The following TET2 variants were observed in gnomAD, a reference collection of about 807,000 sequenced individuals.
The protein encoded by TET2 is tet methylcytosine dioxygenase 2, also known as methylcytosine dioxygenase TET2.
TET2 carries 299 observed loss-of-function variants against 142.9 expected under a neutral mutation model. The observed-to-expected ratio is 2.09, with a 90% CI of 1.90 to 2.30. The LOEUF (loss-of-function observed/expected upper bound fraction) is 2.30, where lower values mean the gene tolerates loss of function less well. Among genes scored for constraint, TET2 ranks in the 30% most tolerant of loss-of-function variants. The pLI is 0.00. For synonymous variants in TET2, 819 were observed against 849.0 expected (o/e 0.96, Z 0.61); for missense variants, 2,418 against 2,378.0 (o/e 1.02, Z -0.35).
At chr4:105,150,318 G>A (rs1723236199) in intron 1 of TET2, among the ~76,000 whole-genome samples, 1 of 152,122 alleles carries the variant, frequency 6.6e-6, no homozygotes, top group Non-Finnish European at 1.5e-5. Context: ...TGCTTCTAAT[G>A]CAAGTTAAAT....
At chr4:105,188,900 A>C (rs1725619760) in intron 1 of TET2, among the ~76,000 whole-genome samples, 1 of 152,098 alleles carries the variant, frequency 6.6e-6, no homozygotes, top group Non-Finnish European at 1.5e-5. Context: ...TTTTGGGGCG[A>C]GGGGGACAGA....
At chr4:105,222,038 A>G (rs1043367168) in intron 2 of TET2, among the ~76,000 whole-genome samples, 5 of 150,702 alleles carry the variant, frequency 3.3e-5, no homozygotes, top group African/African-American at 1.2e-4. Flanking sequence ...TACAAAGGAC[A>G]TGAACTCATC....
At chr4:105,253,416 G>A (rs1729966892) in intron 6 of TET2, among the ~76,000 whole-genome samples, 1 of 151,862 alleles carries the variant, frequency 6.6e-6, no homozygotes, top group African/African-American at 2.4e-5. Context: ...ATTTCATTTG[G>A]GGGGGTGCTA....
chr4:105,210,947 A>G lies in TET2; in HGVS notation c.-47+20442A>G, dbSNP rs1052115162. 2.6e-5 allele frequency among the ~76,000 whole-genome samples: 4 copies of G among 152,190 alleles called. No individual in the cohort carries two copies. In the South Asian group the frequency reaches 8.3e-4, roughly 31 times the overall value. ...CTAAATCAGTTCATGTCACTGCTTTATATATAATGCACCTATGGCTTCCCA... is the reference window on the plus strand; with the variant it reads ...CTAAATCAGTTCATGTCACTGCTTTGTATATAATGCACCTATGGCTTCCCA... On this transcript the variant is annotated intron_variant, in intron 2 of 10. Transcript: ENST00000380013.
At chr4:105,270,007 G>A (rs1157461350) in intron 9 of TET2, among the ~76,000 whole-genome samples, 2 of 152,158 alleles carry the variant, frequency 1.3e-5, no homozygotes, top group Non-Finnish European at 2.9e-5. Flanking sequence ...ACTCTCCTGA[G>A]AACAGCATGG....
At chr4:105,252,341 G>A (rs907681958) in intron 6 of TET2, among the ~76,000 whole-genome samples, 2 of 152,154 alleles carry the variant, frequency 1.3e-5, no homozygotes, top group Non-Finnish European at 2.9e-5. Flanking sequence ...TTTCCACCAT[G>A]TCATGATCGT....
In TET2 at chr4:105,276,938, A is replaced by G. The variant is rs1163991885; in HGVS notation, c.*419A>G. 1 of 228,564 alleles carries G rather than the reference A, an allele frequency of 4.4e-6. No homozygotes were observed. Among genetic ancestry groups the G allele is most frequent in the African/African-American group, 2.3e-5 (1 of 43,760 alleles). The allele number at this position is 228,564 out of a possible 1,614,324, so 14.2% of individuals were successfully genotyped here. ...CAAATCAAACAAGTACTGTAGTATT[A>G]CAGTGACAGGAATCTTAAAATACCA... On this transcript the variant is annotated 3_prime_UTR_variant, in exon 11 of 11. Transcript: ENST00000380013.
intron 6 of TET2, among the ~76,000 whole-genome samples, chr4:105,246,271 CAT>C (rs1729578943): frequency 1.1e-5 from 1 of 87,002 alleles, no homozygotes; most frequent in South Asian, 3.1e-4. Context: ...TGGAATCTGA[CAT>C]ATAAAAAATT....
Position 105,234,757 on chromosome 4 carries a change from G to A in TET2, c.815G>A (p.Gly272Glu). 4 of 1,613,906 alleles carry A rather than the reference G, an allele frequency of 2.5e-6. No individual in the cohort carries two copies. Among genetic ancestry groups the A allele is most frequent in the Non-Finnish European group, 3.4e-6 (4 of 1,179,968 alleles). ...ATCACTCACCCATCGCATACCTCAG[G>A]GCAGATCAATTCCGCACAGACCTCT... ...CEITHPSHTS[G>E]QINSAQTSNS... is the part of the protein sequence containing the mutation. The change falls in exon 3 of 11, where the codon GGG becomes GAG. Residue 272 changes from glycine to glutamate, a missense_variant. Physicochemically the swap from Gly to Glu is moderately conservative, Grantham distance 98. Transcript: ENST00000380013.
chr4:105,196,591 G>T (rs546179479), intron 2 of TET2, among the ~76,000 whole-genome samples: 1 of 152,020 alleles, frequency 6.6e-6, no homozygotes. Context: ...AATCTTTACC[G>T]TGACATCGTA....
chr4:105,200,214 A>G (rs1397753081), intron 2 of TET2, among the ~76,000 whole-genome samples: 2 of 151,914 alleles, frequency 1.3e-5, no homozygotes, highest in Non-Finnish European at 2.9e-5. Flanking sequence ...TTATTTTTTG[A>G]CTTTTTAATA....
chr4:105,234,490 A>C lies in TET2; in HGVS notation c.548A>C (p.Asn183Thr). The change falls in exon 3 of 11, where the codon AAT (asparagine) becomes ACT (threonine). Residue 183 changes from asparagine to threonine, a missense_variant. Asn to Thr is a moderately conservative substitution (Grantham distance 65). Coordinates refer to ENST00000380013, the MANE Select transcript of TET2 (RefSeq NM_001127208.3). ...GAAAATCCAGAGCTTCAGATTCTGA[A>C]TGAGCAGGAGGGGAAAAGTGCTAAT... Reference protein sequence around the residue: ...GPENPELQILNEQEGKSANYH... With the variant: ...GPENPELQILTEQEGKSANYH... 1 of 1,614,098 alleles carries C rather than the reference A, an allele frequency of 6.2e-7. No individual in the cohort carries two copies. Among genetic ancestry groups the C allele is most frequent in the Non-Finnish European group, 8.5e-7 (1 of 1,180,010 alleles).
intron 2 of TET2, among the ~76,000 whole-genome samples, chr4:105,196,784 C>T (rs1411295924): frequency 1.3e-5 from 2 of 152,118 alleles, no homozygotes; most frequent in Non-Finnish European, 2.9e-5. Context: ...TTCTGAAATT[C>T]CTAGGGCAAA....
At chr4:105,264,151 C>A (rs900452803) in intron 8 of TET2, among the ~76,000 whole-genome samples, 1 of 148,884 alleles carries the variant, frequency 6.7e-6, no homozygotes, top group Non-Finnish European at 1.5e-5. Flanking sequence ...AAACGATGGT[C>A]TATTTGTAAG....
chr4:105,233,383 C>CAAAAAAAAAAAAAAAAAAA (rs34890297), intron 2 of TET2, among the ~76,000 whole-genome samples: 9 of 76,144 alleles, frequency 1.2e-4, no homozygotes, highest in African/African-American at 3.7e-4. Context: ...GACTCCATCT[C>CAAAAAAAAAAAAAAAAAAA]AAAAAAAAAA....
intron 1 of TET2, chr4:105,147,515 C>A (rs1023576891): frequency 6.6e-6 from 1 of 152,136 alleles, no homozygotes; most frequent in African/African-American, 2.4e-5. Flanking sequence ...TCTTATCCCC[C>A]TTTAGGGGGC....
chr4:105,153,585 GATAGGT>G lies in TET2; in HGVS notation c.-193+6609_-193+6614del, dbSNP rs556324624. Among the ~76,000 whole-genome samples the G allele has an allele frequency of 7.6e-3, 1,153 of 152,264 alleles. 6 individuals are homozygous for G. The highest frequency in any genetic ancestry group is 0.012 in the Non-Finnish European group (822 of 68,022). On this transcript the variant is annotated intron_variant, in intron 1 of 10. Coordinates refer to ENST00000380013, the MANE Select transcript of TET2 (RefSeq NM_001127208.3). ...ATTTAATTCTCATCACAACCCTAGA[GATAGGT>G]ATTATTCTTATCCCTATTTATGAGT...
chr4:105,183,993 AAAAT>A (rs756203923), intron 1 of TET2, among the ~76,000 whole-genome samples: 95 of 152,188 alleles, frequency 6.2e-4, no homozygotes, highest in Non-Finnish European at 7.3e-5. Flanking sequence ...TAGTGGATGA[AAAAT>A]AAACCATACC....
Position 105,279,777 on chromosome 4 carries a change from A to G in TET2, c.*3258A>G, listed in dbSNP as rs555033407. Reference sequence around the variant, plus strand: ...AATGCTATGTGAGTGTTTTTAATAAAATTTATATTTATTTAATGCACTCTA... The same window carrying G: ...AATGCTATGTGAGTGTTTTTAATAAGATTTATATTTATTTAATGCACTCTA... On this transcript the variant is annotated 3_prime_UTR_variant, in exon 11 of 11. Transcript: ENST00000380013. 4 of 215,430 alleles carry G rather than the reference A, an allele frequency of 1.9e-5. No homozygotes were observed. The highest frequency in any genetic ancestry group is 9.0e-5 in the African/African-American group (4 of 44,454). 13.3% of individuals were successfully genotyped at this position (215,430 alleles called of 1,614,324 possible).
Sources: gnomAD v4.1 joint callset for allele counts (sites outside exome capture counted in the v4.1 genomes callset) on GRCh38, gnomAD v4.1.1 for gene constraint, MANE v1.5 for transcripts, NCBI Gene and HGNC (gene_info 2026-07-23, HGNC 2026-07-21) for gene names.